The following VPS8 variants were observed in gnomAD, a reference collection of about 807,000 sequenced individuals.
VPS8 encodes the protein vacuolar protein sorting-associated protein 8 homolog.
A neutral mutation model predicts 216.4 loss-of-function variants in VPS8; 129 were observed. The observed-to-expected ratio is 0.60, with a 90% confidence interval of 0.52 to 0.69. The LOEUF (loss-of-function observed/expected upper bound fraction) is 0.69. Ranked by LOEUF, VPS8 falls within the 30% of genes least tolerant of loss-of-function variation. The probability of loss-of-function intolerance (pLI) is 0.00; values close to 1 mark genes in which losing one functional copy is unlikely to be tolerated. For missense variants in VPS8, 1,531 were observed against 1,683.5 expected (o/e 0.91, Z 1.59); for synonymous variants, 571 against 565.4 (o/e 1.01, Z -0.14).
At chr3:184,835,734 G>A (rs1440197282) in intron 5 of VPS8, among the ~76,000 whole-genome samples, 1 of 146,734 alleles carries the variant, frequency 6.8e-6, no homozygotes, top group African/African-American at 2.5e-5. Context: ...TTTTGAGACG[G>A]AGTCTCACTC....
rs1010683017 is a variant in VPS8, at chr3:184,919,981, C to T, written c.2383-146C>T. The T allele has an allele frequency of 6.8e-5, 36 of 531,898 alleles. No individual in the cohort carries two copies. In the South Asian group the frequency reaches 7.8e-4, roughly 11 times the overall value. 32.9% of individuals were successfully genotyped at this position (531,898 alleles called of 1,614,324 possible). A position where few individuals can be genotyped will look rare whatever the true frequency, so the allele number is the denominator to read the frequency against. ...ACTTGACTCACTAAAAATAATGTCA[C>T]GCAAGGTGTATAAGACAAAACCTAA... On this transcript the variant is annotated intron_variant, in intron 28 of 47. Coordinates refer to ENST00000625842, the MANE Select transcript of VPS8 (RefSeq NM_001009921.3).
intron 5 of VPS8, among the ~76,000 whole-genome samples, chr3:184,836,851 A>G (rs772236462): frequency 6.6e-6 from 1 of 152,206 alleles, no homozygotes; most frequent in African/African-American, 2.4e-5. Context: ...AATTTTTGCA[A>G]TTGTGAAGCT....
At chr3:184,949,016 A>G (rs894472798) in intron 36 of VPS8, among the ~76,000 whole-genome samples, 6 of 152,154 alleles carry the variant, frequency 3.9e-5, no homozygotes, top group Non-Finnish European at 5.9e-5. Context: ...TTAAAATTTG[A>G]AAGATTAGTC....
At chr3:184,941,453 ATG>A (rs1742685121) in intron 36 of VPS8, among the ~76,000 whole-genome samples, 1 of 140,094 alleles carries the variant, frequency 7.1e-6, no homozygotes, top group Non-Finnish European at 1.5e-5. Context: ...CCTATTAATC[ATG>A]TGTATTTCCC....
At chr3:184,858,668 T>C (rs1385052113) in intron 14 of VPS8, among the ~76,000 whole-genome samples, 1 of 152,180 alleles carries the variant, frequency 6.6e-6, no homozygotes, top group Non-Finnish European at 1.5e-5. Flanking sequence ...TTCCTGGGCA[T>C]TTGTCTGCCA....
intron 45 of VPS8, among the ~76,000 whole-genome samples, chr3:185,003,444 A>T (rs1287856365): frequency 6.9e-6 from 1 of 144,638 alleles, no homozygotes; most frequent in Non-Finnish European, 1.5e-5. Context: ...GACACAGCAC[A>T]TGTTTCAGAG....
intron 34 of VPS8, among the ~76,000 whole-genome samples, chr3:184,932,110 G>A (rs897213852): frequency 6.6e-6 from 1 of 152,094 alleles, no homozygotes; most frequent in African/African-American, 2.4e-5. Context: ...ACAATGACAG[G>A]TGTATAAGCT....
chr3:184,854,697 T>G (rs1003376378), intron 13 of VPS8, among the ~76,000 whole-genome samples: 2 of 152,222 alleles, frequency 1.3e-5, no homozygotes, highest in African/African-American at 4.8e-5. Context: ...CCTGCAGCTT[T>G]GGCACTGAAC....
chr3:184,829,276 C>T (rs111478671), intron 3 of VPS8, among the ~76,000 whole-genome samples: 5,920 of 152,182 alleles, frequency 0.039, 158 homozygotes, highest in African/African-American at 0.079. Context: ...TGCAGTGGCG[C>T]GATCAGGGCT....
intron 36 of VPS8, among the ~76,000 whole-genome samples, chr3:184,954,552 G>A: frequency 6.6e-6 from 1 of 152,160 alleles, no homozygotes; most frequent in East Asian, 1.9e-4. Context: ...GATTTTAGGA[G>A]CTGTGTGCTT....
chr3:184,863,024 AT>A lies in VPS8; in HGVS notation c.1355del (p.Phe452SerfsTer4). ...GTTCAGCTGGTCTACAATAGCAGCC[AT>A]TTCAAATCACTAGCCACTGGAGGAA... ...SEVQLVYNSSHFKSLATGGNV... is the reference protein window; with the variant it reads ...SEVQLVYNSSXFKSLATGGNV... On this transcript the variant is annotated frameshift_variant, in exon 16 of 48. Coordinates refer to ENST00000625842, the MANE Select transcript of VPS8 (RefSeq NM_001009921.3). LOFTEE classifies it high-confidence loss of function. The A allele has an allele frequency of 6.2e-7, 1 of 1,613,958 alleles. No individual in the cohort carries two copies. Among genetic ancestry groups the A allele is most frequent in the Non-Finnish European group, 8.5e-7 (1 of 1,179,812 alleles).
intron 11 of VPS8, 37 bp downstream of exon 11, chr3:184,852,604 G>C: frequency 6.3e-7 from 1 of 1,578,504 alleles, no homozygotes; most frequent in Non-Finnish European, 8.7e-7. Context: ...CAAATGAAAA[G>C]ACTAGCTCTG....
At chr3:184,870,971 A>G (rs917782306) in intron 21 of VPS8, among the ~76,000 whole-genome samples, 166 bp downstream of exon 21, 2 of 152,158 alleles carry the variant, frequency 1.3e-5, no homozygotes, top group African/African-American at 4.8e-5. Flanking sequence ...ATTTTTAAGT[A>G]ATGGGTATAA....
At chr3:184,894,531 TAC>T (rs369634631) in intron 22 of VPS8, among the ~76,000 whole-genome samples, 170 bp from the exon 23 acceptor site, 1,763 of 98,890 alleles carry the variant, frequency 0.018, 27 homozygotes, top group African/African-American at 0.046. Flanking sequence ...TATATATATA[TAC>T]ACACACACAC....
chr3:185,004,450 G>A (rs180976251), intron 45 of VPS8, among the ~76,000 whole-genome samples: 46 of 152,318 alleles, frequency 3.0e-4, no homozygotes, highest in African/African-American at 8.2e-4. Flanking sequence ...GCCTCGGCTC[G>A]GCCTCAGAGG....
At chr3:184,953,763 A>G (rs974939455) in intron 36 of VPS8, among the ~76,000 whole-genome samples, 1 of 152,170 alleles carries the variant, frequency 6.6e-6, no homozygotes, top group Non-Finnish European at 1.5e-5. Context: ...ATTTACTTCT[A>G]AAGACTAGCT....
chr3:184,842,705 A>G (rs1285934054), intron 7 of VPS8, among the ~76,000 whole-genome samples: 1 of 152,216 alleles, frequency 6.6e-6, no homozygotes, highest in Non-Finnish European at 1.5e-5. Flanking sequence ...AAGAAGAGCT[A>G]TACTTGTTTA....
At chr3:184,862,395 G>T (rs1456462621) in intron 15 of VPS8, among the ~76,000 whole-genome samples, 1 of 152,148 alleles carries the variant, frequency 6.6e-6, no homozygotes, top group Admixed American at 6.5e-5. Flanking sequence ...CAGAGAAATA[G>T]AACAAAGGAC....
intron 11 of VPS8, among the ~76,000 whole-genome samples, chr3:184,853,622 A>G (rs1192302784): frequency 6.6e-6 from 1 of 152,144 alleles, no homozygotes; most frequent in African/African-American, 2.4e-5. Context: ...AAGACATGGG[A>G]AAGAGTTTGG....
Sources: gnomAD v4.1 joint callset for allele counts (sites outside exome capture counted in the v4.1 genomes callset) on GRCh38, gnomAD v4.1.1 for gene constraint, MANE v1.5 for transcripts, NCBI Gene and HGNC (gene_info 2026-07-23, HGNC 2026-07-21) for gene names.